TBC1D22B: variants seen among roughly 807,000 people sequenced by gnomAD.
TBC1D22B encodes TBC1 domain family member 22B.
A neutral mutation model predicts 69.1 loss-of-function variants in TBC1D22B; 32 were observed. The ratio of observed to expected loss-of-function variants is 0.46; its 90% CI spans 0.35 to 0.62. TBC1D22B has a LOEUF of 0.62. Among genes scored for constraint, TBC1D22B ranks in the 20% least tolerant of loss-of-function variants. TBC1D22B has a pLI of 0.00. For missense variants in TBC1D22B, 462 were observed against 630.9 expected, an observed-to-expected ratio of 0.73 and a Z score of 2.87; for synonymous variants, 206 against 229.8, an observed-to-expected ratio of 0.90 and a Z score of 0.94.
intron 7 of TBC1D22B, among the ~76,000 whole-genome samples, chr6:37,290,002 G>A (rs1159531872): frequency 6.6e-6 from 1 of 152,190 alleles, no homozygotes; most frequent in Non-Finnish European, 1.5e-5. Context: ...GAAAGAAACC[G>A]TTTCTCAGCT....
rs953346322 is a variant in TBC1D22B at position 37,282,238 on chromosome 6, C to T, written c.475C>T (p.Pro159Ser). 10 of 1,614,112 alleles carry T rather than the reference C, an allele frequency of 6.2e-6. No individual in the cohort carries two copies. In the African/African-American group the frequency reaches 1.1e-4, roughly 17 times the overall value. Residue 159 changes from proline (P) to serine (S), a missense_variant, in exon 4 of 13, where the codon CCC becomes TCC. Physicochemically the swap from Pro to Ser is moderately conservative, Grantham distance 74. Around this residue, in one of 2 missense-constraint regions of TBC1D22B, gnomAD observed 237 missense variants for 255.4 expected, o/e 0.93. Transcript: ENST00000373491. ...CAAACAGCAATCACTCCCTCTCCGG[C>T]CCATCATCCCCCTCGTTGCCCGGAT... ...LHKQQSLPLR[P>S]IIPLVARISD...
chr6:37,306,119 G>T (rs559285821), intron 8 of TBC1D22B, among the ~76,000 whole-genome samples: 37 of 152,326 alleles, frequency 2.4e-4, no homozygotes, highest in Admixed American at 2.0e-3. Flanking sequence ...TGGTGGGACA[G>T]TGGTGCGTCC....
chr6:37,257,904 C>T lies in TBC1D22B; in HGVS notation c.-14C>T. 1.2e-6 allele frequency: 2 copies of T among 1,613,128 alleles called. No homozygotes were observed. The highest frequency in any genetic ancestry group is 1.7e-6 in the Non-Finnish European group (2 of 1,179,672). ...CCCTTGGCCCGCCTACAAGGACTTC[C>T]CCCGGCCAGAGCAATGGCCGCTGAG... On this transcript the variant is annotated 5_prime_UTR_variant, in exon 1 of 13. Coordinates refer to ENST00000373491, the MANE Select transcript of TBC1D22B (RefSeq NM_017772.4).
intron 2 of TBC1D22B, among the ~76,000 whole-genome samples, chr6:37,277,671 T>G (rs1766708034): frequency 6.6e-6 from 1 of 151,924 alleles, no homozygotes; most frequent in Non-Finnish European, 1.5e-5. Flanking sequence ...TTTCACCATG[T>G]TGGCCAGGCT....
chr6:37,266,382 A>G (rs1265174428), intron 1 of TBC1D22B, among the ~76,000 whole-genome samples: 1 of 152,204 alleles, frequency 6.6e-6, no homozygotes, highest in Non-Finnish European at 1.5e-5. Context: ...TTTTATAAAA[A>G]TGGTGTCATA....
chr6:37,313,084 T>C, intron 9 of TBC1D22B, 60 bp downstream of exon 9: 2 of 1,344,364 alleles, frequency 1.5e-6, no homozygotes, highest in Non-Finnish European at 2.1e-6. Context: ...CCAGCAGGGC[T>C]TTGGTTTCTT....
At chr6:37,274,983 G>A (rs1343968289) in intron 2 of TBC1D22B, among the ~76,000 whole-genome samples, 2 of 152,156 alleles carry the variant, frequency 1.3e-5, no homozygotes, top group Non-Finnish European at 2.9e-5. Flanking sequence ...ACCCGGAGGC[G>A]GAGATTGCAG....
intron 2 of TBC1D22B, among the ~76,000 whole-genome samples, chr6:37,273,199 A>G (rs1324994755): frequency 6.6e-6 from 1 of 151,998 alleles, no homozygotes; most frequent in African/African-American, 2.4e-5. Context: ...AAAAAAAAAA[A>G]AAAAAACGAG....
At chr6:37,272,576 T>C (rs1470889878) in intron 2 of TBC1D22B, among the ~76,000 whole-genome samples, 2 of 151,692 alleles carry the variant, frequency 1.3e-5, no homozygotes, top group Non-Finnish European at 2.9e-5. Flanking sequence ...TTAGTGTAGA[T>C]GGGGTTTCAC....
chr6:37,328,235 G>A (rs1183869028), intron 12 of TBC1D22B, among the ~76,000 whole-genome samples: 11 of 152,164 alleles, frequency 7.2e-5, no homozygotes, highest in Non-Finnish European at 1.6e-4. Context: ...AACCTGGGAG[G>A]CGGAGGTTGC....
intron 8 of TBC1D22B, among the ~76,000 whole-genome samples, chr6:37,295,170 A>G (rs756160041): frequency 6.6e-6 from 1 of 152,084 alleles, no homozygotes; most frequent in Non-Finnish European, 1.5e-5. Flanking sequence ...TGGTGTAATC[A>G]TAGCTCAAAC....
chr6:37,287,253 A>C (rs1258918771), intron 7 of TBC1D22B, among the ~76,000 whole-genome samples, 181 bp downstream of exon 7: 1 of 152,208 alleles, frequency 6.6e-6, no homozygotes, highest in East Asian at 1.9e-4. Context: ...GCGGAATAAC[A>C]CTTTGAAAGG....
At chr6:37,291,489 A>G in intron 8 of TBC1D22B, 132 bp downstream of exon 8, 1 of 598,498 alleles carries the variant, frequency 1.7e-6, no homozygotes, top group Non-Finnish European at 2.8e-6. Flanking sequence ...TGGCATACAC[A>G]GCTAAAACTA....
intron 7 of TBC1D22B, among the ~76,000 whole-genome samples, 182 bp downstream of exon 7, chr6:37,287,254 C>T (rs1767035078): frequency 6.6e-6 from 1 of 152,182 alleles, no homozygotes; most frequent in Non-Finnish European, 1.5e-5. Context: ...CGGAATAACA[C>T]TTTGAAAGGC....
At chr6:37,273,628 T>A (rs1766571402) in intron 2 of TBC1D22B, among the ~76,000 whole-genome samples, 1 of 152,254 alleles carries the variant, frequency 6.6e-6, no homozygotes, top group Non-Finnish European at 1.5e-5. Flanking sequence ...TCAGTCATGC[T>A]TTCAATAGGA....
At chr6:37,298,656 T>C (rs200440422) in intron 8 of TBC1D22B, among the ~76,000 whole-genome samples, 3 of 151,044 alleles carry the variant, frequency 2.0e-5, no homozygotes, top group Non-Finnish European at 4.4e-5. Context: ...CGCCATTCTC[T>C]TGCCTCAGCC....
At chr6:37,270,725 G>C (rs1419005703) in intron 2 of TBC1D22B, among the ~76,000 whole-genome samples, 2 of 152,160 alleles carry the variant, frequency 1.3e-5, no homozygotes, top group Non-Finnish European at 2.9e-5. Flanking sequence ...TTAGAGACTA[G>C]TTTCTGGCAA....
At chr6:37,294,579 T>G (rs539849203) in intron 8 of TBC1D22B, among the ~76,000 whole-genome samples, 92 of 152,318 alleles carry the variant, frequency 6.0e-4, no homozygotes, top group African/African-American at 1.8e-3. Context: ...GACTTTAAGT[T>G]GAAGCCCGTG....
intron 12 of TBC1D22B, among the ~76,000 whole-genome samples, chr6:37,324,831 A>T (rs1365835501): frequency 6.6e-6 from 1 of 152,176 alleles, no homozygotes; most frequent in Non-Finnish European, 1.5e-5. Flanking sequence ...GGCTAGCACT[A>T]CCCTGTGACC....
Sources: allele counts gnomAD v4.1 joint callset (sites outside exome capture counted in the v4.1 genomes callset), GRCh38; gene constraint gnomAD v4.1.1; regional missense constraint gnomAD v4.1.1; transcripts MANE v1.5; gene names NCBI Gene and HGNC (gene_info 2026-07-23, HGNC 2026-07-21).